Variants in NOL10 observed in about 807,000 individuals in gnomAD.
The protein encoded by NOL10 is nucleolar protein 10, also known as H_NH0074G24.1.
NOL10 carries 58 observed loss-of-function variants against 103.5 expected under a neutral mutation model. That is an observed-to-expected ratio of 0.56 (90% CI 0.45 to 0.70). NOL10 has a LOEUF of 0.70. Ranked by LOEUF, NOL10 falls within the 30% of genes least tolerant of loss-of-function variation. The pLI is 0.00. For synonymous variants in NOL10, 287 were observed against 282.5 expected (o/e 1.02, Z -0.16); for missense variants, 763 against 807.3 (o/e 0.95, Z 0.67).
intron 1 of NOL10, 57 bp downstream of exon 1, chr2:10,689,739 C>T (rs1182044202): frequency 1.3e-6 from 2 of 1,518,496 alleles, no homozygotes; most frequent in East Asian, 4.8e-5. Flanking sequence ...GGCGGCTGCC[C>T]CACGAGGAGG....
chr2:10,667,098 G>A (rs1055777219), intron 8 of NOL10, 120 bp downstream of exon 8: 8 of 687,848 alleles, frequency 1.2e-5, no homozygotes, highest in African/African-American at 7.2e-5. Flanking sequence ...TCTACAGGAT[G>A]TTCAAGCTAT....
At chr2:10,637,214 C>CA (rs1678318715) in intron 13 of NOL10, among the ~76,000 whole-genome samples, 2 of 70,448 alleles carry the variant, frequency 2.8e-5, no homozygotes, top group Non-Finnish European at 6.6e-5. Flanking sequence ...AAAAAAAAAA[C>CA]ACACACACAC....
chr2:10,642,077 G>A (rs1223338941), intron 13 of NOL10, among the ~76,000 whole-genome samples: 1 of 152,214 alleles, frequency 6.6e-6, no homozygotes, highest in Non-Finnish European at 1.5e-5. Flanking sequence ...CCTTTCTCAT[G>A]ATGAAAAGGT....
At chr2:10,576,971 GGACT>G (rs1410023011) in intron 20 of NOL10, among the ~76,000 whole-genome samples, 1 of 152,126 alleles carries the variant, frequency 6.6e-6, no homozygotes, top group East Asian at 1.9e-4. Flanking sequence ...ATATTGAAGA[GGACT>G]GACTTTGAAT....
chr2:10,637,392 G>C (rs1380948692), intron 13 of NOL10, among the ~76,000 whole-genome samples: 2 of 152,104 alleles, frequency 1.3e-5, no homozygotes, highest in Non-Finnish European at 2.9e-5. Context: ...AAGCTATAAT[G>C]ATTTCAAAAG....
At chr2:10,613,025 G>A (rs1484268423) in intron 13 of NOL10, among the ~76,000 whole-genome samples, 2 of 147,172 alleles carry the variant, frequency 1.4e-5, no homozygotes, top group African/African-American at 5.1e-5. Flanking sequence ...AGAGAAAGAA[G>A]ACCAGAGAAG....
chr2:10,635,941 G>A (rs761699805), intron 13 of NOL10, among the ~76,000 whole-genome samples: 12 of 152,134 alleles, frequency 7.9e-5, no homozygotes, highest in Non-Finnish European at 1.3e-4. Context: ...GCTGGAGTGC[G>A]GTAGCACGAC....
At chr2:10,593,256 A>G (rs1205675794) in intron 17 of NOL10, among the ~76,000 whole-genome samples, 1 of 151,498 alleles carries the variant, frequency 6.6e-6, no homozygotes, top group African/African-American at 2.4e-5. Flanking sequence ...CTCCTGCCTC[A>G]GCCTCCTGGA....
At chr2:10,586,774 TTTC>T (rs1344217415) in intron 19 of NOL10, among the ~76,000 whole-genome samples, 1 of 152,040 alleles carries the variant, frequency 6.6e-6, no homozygotes, top group Non-Finnish European at 1.5e-5. Context: ...TCCTTATGAT[TTTC>T]TTAATAACAT....
At chr2:10,625,078 T>C (rs1218063242) in intron 13 of NOL10, among the ~76,000 whole-genome samples, 1 of 152,084 alleles carries the variant, frequency 6.6e-6, no homozygotes, top group Non-Finnish European at 1.5e-5. Context: ...AAAGCAAAAC[T>C]AGAGACAGTA....
chr2:10,652,855 C>T (rs762322510), intron 12 of NOL10, among the ~76,000 whole-genome samples: 18 of 152,290 alleles, frequency 1.2e-4, no homozygotes, highest in Middle Eastern at 6.8e-3. Flanking sequence ...GTCTGCGGAT[C>T]GGTTCAGGGC....
chr2:10,642,585 T>C lies in NOL10; in HGVS notation c.1026+1735A>G, dbSNP rs115305863. ...TACCTGCCCCCACAGGCTCGAATGC[T>C]CAGCCATGGGAGGTACTTGCTCCCG... On this transcript the variant is annotated intron_variant, in intron 13 of 20. Transcript: ENST00000381685. 9.6e-3 allele frequency among the ~76,000 whole-genome samples: 1,452 copies of C among 151,984 alleles called. 31 individuals are homozygous for C. The highest frequency in any genetic ancestry group is 0.034 in the African/African-American group (1,389 of 41,418).
At chr2:10,636,473 C>A (rs116617776) in intron 13 of NOL10, among the ~76,000 whole-genome samples, 1 of 141,212 alleles carries the variant, frequency 7.1e-6, no homozygotes, top group Non-Finnish European at 1.5e-5. Flanking sequence ...CTGGGTGTGG[C>A]GGCATATACC....
At chr2:10,666,091 A>G (rs1270624462) in intron 8 of NOL10, among the ~76,000 whole-genome samples, 2 of 152,078 alleles carry the variant, frequency 1.3e-5, no homozygotes, top group African/African-American at 4.8e-5. Flanking sequence ...CTTTATGGTC[A>G]TGAGTACCCA....
At chr2:10,625,859 A>T (rs966744881) in intron 13 of NOL10, among the ~76,000 whole-genome samples, 3 of 151,992 alleles carry the variant, frequency 2.0e-5, no homozygotes, top group African/African-American at 7.3e-5. Flanking sequence ...GACAAAATAC[A>T]TTTTTTTCAT....
chr2:10,676,244 T>C (rs1447289986), intron 3 of NOL10, among the ~76,000 whole-genome samples: 1 of 152,216 alleles, frequency 6.6e-6, no homozygotes, highest in Non-Finnish European at 1.5e-5. Flanking sequence ...TACAACTTCT[T>C]TGAAGGACAA....
intron 3 of NOL10, among the ~76,000 whole-genome samples, chr2:10,681,222 C>T (rs1290088444): frequency 6.6e-6 from 1 of 151,874 alleles, no homozygotes; most frequent in Non-Finnish European, 1.5e-5. Context: ...AGCTGTTCAT[C>T]ACATGGAGAA....
At chr2:10,596,034 G>A (rs1371272719) in intron 17 of NOL10, among the ~76,000 whole-genome samples, 2 of 151,992 alleles carry the variant, frequency 1.3e-5, no homozygotes, top group African/African-American at 2.4e-5. Context: ...TGTTAAAACT[G>A]ACCTGATCCA....
intron 13 of NOL10, among the ~76,000 whole-genome samples, chr2:10,616,208 C>A (rs1185208120): frequency 6.8e-6 from 1 of 146,682 alleles, no homozygotes; most frequent in Non-Finnish European, 1.5e-5. Context: ...GTGGACAACA[C>A]CACCCTGCAT....
Sources: gnomAD v4.1 joint callset for allele counts (sites outside exome capture counted in the v4.1 genomes callset) on GRCh38, gnomAD v4.1.1 for gene constraint, MANE v1.5 for transcripts, NCBI Gene and HGNC (gene_info 2026-07-23, HGNC 2026-07-21) for gene names.